XKR4: variants seen among roughly 807,000 people sequenced by gnomAD.
XKR4 encodes XK related 4, also known as XK-related protein 4.
Under a neutral mutation model 53.9 loss-of-function variants are expected in XKR4, and 12 were observed. That is an observed-to-expected ratio of 0.22 (90% CI 0.14 to 0.36). XKR4 has a LOEUF of 0.36. XKR4 is among the 10% of genes least tolerant of loss of function. The pLI, the probability that XKR4 is intolerant of heterozygous loss-of-function variation, is 1.00. For synonymous variants in XKR4, 354 were observed against 362.4 expected, an observed-to-expected ratio of 0.98 and a Z score of 0.26; for missense variants, 799 against 859.5, an observed-to-expected ratio of 0.93 and a Z score of 0.88.
chr8:55,345,705 G>C (rs917170285), intron 1 of XKR4, among the ~76,000 whole-genome samples: 1 of 152,194 alleles, frequency 6.6e-6, no homozygotes, highest in African/African-American at 2.4e-5. Context: ...GCATGAGCGG[G>C]ACATTACATG....
intron 1 of XKR4, among the ~76,000 whole-genome samples, chr8:55,115,127 G>A (rs909514699): frequency 1.3e-5 from 2 of 152,156 alleles, no homozygotes; most frequent in African/African-American, 2.4e-5. Flanking sequence ...CACCAGCATT[G>A]TAGCAAGATG....
intron 1 of XKR4, among the ~76,000 whole-genome samples, chr8:55,205,369 A>G (rs1352523074): frequency 6.6e-6 from 1 of 151,754 alleles, no homozygotes; most frequent in Non-Finnish European, 1.5e-5. Context: ...TTGTCATAAA[A>G]TTAGACTCAA....
At chr8:55,214,732 CCT>C (rs1161558571) in intron 1 of XKR4, among the ~76,000 whole-genome samples, 2 of 152,098 alleles carry the variant, frequency 1.3e-5, no homozygotes, top group African/African-American at 4.8e-5. Flanking sequence ...CCCAAAGTCC[CCT>C]GTTTACCTGT....
intron 1 of XKR4, among the ~76,000 whole-genome samples, chr8:55,234,845 A>T (rs772673647): frequency 6.6e-6 from 1 of 152,150 alleles, no homozygotes; most frequent in African/African-American, 2.4e-5. Flanking sequence ...GCAGACCCCT[A>T]TGGCTGTGGA....
At chr8:55,253,478 A>G (rs1400644907) in intron 1 of XKR4, among the ~76,000 whole-genome samples, 2 of 152,214 alleles carry the variant, frequency 1.3e-5, no homozygotes, top group Non-Finnish European at 2.9e-5. Flanking sequence ...ATCCAACCCC[A>G]TAATTTTTCC....
chr8:55,445,656 G>A (rs1200029441), intron 2 of XKR4, among the ~76,000 whole-genome samples: 4 of 152,110 alleles, frequency 2.6e-5, no homozygotes, highest in South Asian at 2.1e-4. Flanking sequence ...TGTCTAGGGC[G>A]GGAGATTAGG....
At chr8:55,461,693 T>G (rs557280459) in intron 2 of XKR4, among the ~76,000 whole-genome samples, 47 of 152,130 alleles carry the variant, frequency 3.1e-4, no homozygotes, top group African/African-American at 1.1e-3. Flanking sequence ...AAGGAGGAAG[T>G]TCGAACAAAT....
chr8:55,514,550 C>T (rs1224169414), intron 2 of XKR4, among the ~76,000 whole-genome samples: 1 of 152,138 alleles, frequency 6.6e-6, no homozygotes, highest in Non-Finnish European at 1.5e-5. Flanking sequence ...GCAGATTAAC[C>T]TTGCTGTTTT....
intron 1 of XKR4, among the ~76,000 whole-genome samples, chr8:55,136,761 G>A (rs1284959501): frequency 6.6e-6 from 1 of 152,180 alleles, no homozygotes; most frequent in African/African-American, 2.4e-5. Context: ...TATAAAAAAA[G>A]TGAGAAAGTC....
chr8:55,369,495 A>G (rs959239659), intron 2 of XKR4, among the ~76,000 whole-genome samples: 2 of 139,944 alleles, frequency 1.4e-5, no homozygotes, highest in Non-Finnish European at 3.1e-5. Flanking sequence ...AGAGAGAAAG[A>G]AAAGAAAAGA....
At chr8:55,507,781 C>G (rs1806564673) in intron 2 of XKR4, among the ~76,000 whole-genome samples, 1 of 152,148 alleles carries the variant, frequency 6.6e-6, no homozygotes, top group Non-Finnish European at 1.5e-5. Context: ...CAAGTCTTTG[C>G]TATTGTGAAT....
chr8:55,127,187 TA>T (rs1277087073), intron 1 of XKR4, among the ~76,000 whole-genome samples: 1 of 151,858 alleles, frequency 6.6e-6, no homozygotes, highest in Non-Finnish European at 1.5e-5. Flanking sequence ...AAAGAAGTGT[TA>T]AAACCTACTG....
chr8:55,112,165 A>C (rs552110807), intron 1 of XKR4, among the ~76,000 whole-genome samples: 83 of 152,352 alleles, frequency 5.4e-4, no homozygotes, highest in Non-Finnish European at 6.0e-4. Context: ...AAAGTATGTC[A>C]AACTATTTTC....
chr8:55,491,848 G>C (rs990346399), intron 2 of XKR4, among the ~76,000 whole-genome samples: 9 of 152,140 alleles, frequency 5.9e-5, no homozygotes, highest in African/African-American at 2.2e-4. Context: ...TGTAAGCTCT[G>C]AGAATTGTTC....
chr8:55,343,348 G>A (rs1425723322), intron 1 of XKR4, among the ~76,000 whole-genome samples: 1 of 152,172 alleles, frequency 6.6e-6, no homozygotes, highest in East Asian at 1.9e-4. Context: ...TTCATGAGCT[G>A]CTCTGTGCTA....
At chr8:55,352,450 G>A (rs1168192253) in intron 1 of XKR4, among the ~76,000 whole-genome samples, 1 of 152,204 alleles carries the variant, frequency 6.6e-6, no homozygotes, top group Admixed American at 6.5e-5. Flanking sequence ...CATTTGCATT[G>A]ATTGACTTTA....
intron 1 of XKR4, among the ~76,000 whole-genome samples, chr8:55,143,322 C>T (rs1259459452): frequency 6.6e-6 from 1 of 152,032 alleles, no homozygotes; most frequent in Non-Finnish European, 1.5e-5. Flanking sequence ...GCAGACACTG[C>T]CCAATAATTT....
At chr8:55,150,982 A>G (rs1816832849) in intron 1 of XKR4, among the ~76,000 whole-genome samples, 2 of 152,230 alleles carry the variant, frequency 1.3e-5, no homozygotes, top group African/African-American at 4.8e-5. Context: ...TGCTTTAGCC[A>G]AGGTATGATT....
Position 55,494,528 on chromosome 8 carries a change from C to T in XKR4, c.1007-28753C>T, listed in dbSNP as rs74590713. Among the ~76,000 whole-genome samples the T allele has an allele frequency of 9.3e-4, 142 of 152,248 alleles. 5 individuals are homozygous for T. In the East Asian group the frequency reaches 0.015, roughly 16 times the overall value. On this transcript the variant is annotated intron_variant, in intron 2 of 2. Transcript: ENST00000327381. ...GCAGAGAAGTGGAGGGCGAGCAAGACGAAGAGGAGTTTTATTAAGTGATAG... is the reference window on the plus strand; with the variant it reads ...GCAGAGAAGTGGAGGGCGAGCAAGATGAAGAGGAGTTTTATTAAGTGATAG...
Sources: gnomAD v4.1 joint callset for allele counts (sites outside exome capture counted in the v4.1 genomes callset) on GRCh38, gnomAD v4.1.1 for gene constraint, MANE v1.5 for transcripts, NCBI Gene and HGNC (gene_info 2026-07-23, HGNC 2026-07-21) for gene names.